NAPA: variants seen among roughly 807,000 people sequenced by gnomAD.
The protein encoded by NAPA is alpha-soluble NSF attachment protein.
Under a neutral mutation model 48.0 loss-of-function variants are expected in NAPA, and 18 were observed. The observed-to-expected ratio is 0.38, with a 90% confidence interval of 0.26 to 0.56. NAPA has a LOEUF of 0.56. Ranked by LOEUF, NAPA falls within the 20% of genes least tolerant of loss-of-function variation. The pLI is 0.77. For synonymous variants in NAPA, 152 were observed against 149.9 expected, an observed-to-expected ratio of 1.01 and a Z score of -0.10; for missense variants, 315 against 385.0, an observed-to-expected ratio of 0.82 and a Z score of 1.52.
intron 1 of NAPA, among the ~76,000 whole-genome samples, chr19:47,513,872 C>CA (rs1327193068): frequency 1.7e-5 from 2 of 117,838 alleles, no homozygotes; most frequent in African/African-American, 6.7e-5. Flanking sequence ...TTTTTTGAGA[C>CA]AGAGTCTCGC....
At chr19:47,514,416 G>C (rs890045600) in intron 1 of NAPA, among the ~76,000 whole-genome samples, 1 of 151,928 alleles carries the variant, frequency 6.6e-6, no homozygotes, top group Non-Finnish European at 1.5e-5. Context: ...CCTTCAAACA[G>C]ACTCCCCTAG....
chr19:47,509,005 G>A (rs1200615627), intron 1 of NAPA, among the ~76,000 whole-genome samples: 1 of 152,130 alleles, frequency 6.6e-6, no homozygotes, highest in Admixed American at 6.5e-5. Flanking sequence ...GAGCCCAGGA[G>A]GTTGAGACTG....
At chr19:47,490,679 G>A (rs202189227) in intron 9 of NAPA, 109 bp downstream of exon 9, 23 of 238,342 alleles carry the variant, frequency 9.7e-5, no homozygotes, top group South Asian at 3.5e-4. Flanking sequence ...ACAAAACAAA[G>A]ACACCCTCTG....
chr19:47,509,349 T>TAAAATAAAATAAATAAAATA (rs869068004), intron 1 of NAPA, among the ~76,000 whole-genome samples: 1 of 92,156 alleles, frequency 1.1e-5, no homozygotes, highest in African/African-American at 4.4e-5. Flanking sequence ...TAAAATAAAA[T>TAAAATAAAATAAATAAAATA]AAATAAAATA....
chr19:47,488,287 CT>C lies in NAPA; in HGVS notation c.888del (p.Ter296=). ...TIQGDEEDLR[*>X] is the part of the protein sequence containing the mutation. ...ACGGGCACTGGGGGGCTGGGTGGGGCTTAGCGCAGGTCCTCCTCATCGCCCT... is the reference window on the plus strand; with the variant it reads ...ACGGGCACTGGGGGGCTGGGTGGGGCTAGCGCAGGTCCTCCTCATCGCCCT... On this transcript the variant is annotated frameshift_variant and stop_lost, in exon 11 of 11. Transcript: ENST00000263354. LOFTEE classifies it high-confidence loss of function. 1 of 1,611,456 alleles carries C rather than the reference CT, an allele frequency of 6.2e-7. No homozygotes were observed. Among genetic ancestry groups the C allele is most frequent in the Non-Finnish European group, 8.5e-7 (1 of 1,178,306 alleles).
intron 3 of NAPA, chr19:47,496,777 C>T (rs773263298): frequency 3.6e-5 from 16 of 439,056 alleles, no homozygotes; most frequent in Non-Finnish European, 7.3e-5. Flanking sequence ...CTCTTTGTCT[C>T]AGGTCTGTGG....
downstream of NAPA, among the ~76,000 whole-genome samples, chr19:47,487,070 TG>T (rs1968093982): frequency 6.6e-6 from 1 of 152,176 alleles, no homozygotes; most frequent in African/African-American, 2.4e-5. Context: ...ATGCACATTG[TG>T]GAGTGTGGTG....
intron 1 of NAPA, among the ~76,000 whole-genome samples, chr19:47,509,062 C>T (rs930511070): frequency 2.6e-5 from 4 of 151,960 alleles, no homozygotes; most frequent in Non-Finnish European, 5.9e-5. Context: ...GGCAACAGAA[C>T]AAGACCCTGT....
At chr19:47,492,154 G>T in intron 7 of NAPA, 35 bp from the exon 8 acceptor site, 1 of 1,586,644 alleles carries the variant, frequency 6.3e-7, no homozygotes, top group South Asian at 1.1e-5. Context: ...GGTGAGCTCA[G>T]GGCAAGCAGC....
At chr19:47,511,489 A>T (rs1968804328) in intron 1 of NAPA, among the ~76,000 whole-genome samples, 1 of 152,178 alleles carries the variant, frequency 6.6e-6, no homozygotes, top group South Asian at 2.1e-4. Context: ...TATTTGGAGA[A>T]AACAGCCATG....
rs1163886327 is a variant in NAPA, at chr19:47,514,918, G to T, written c.23C>A (p.Ala8Glu). The change falls in exon 1 of 11, where the codon GCG becomes GAG. Residue 8 changes from alanine (A) to glutamate (E), a missense_variant. By Grantham distance (107) the Ala-to-Glu change is moderately radical. Transcript: ENST00000263354. MDNSGKE[A>E]EAMALLAEAE... Reference sequence around the variant, plus strand: ...CTCGGCCAACAGCGCCATCGCCTCCGCTTCCTTCCCGGAATTGTCCATGGC... The same window carrying T: ...CTCGGCCAACAGCGCCATCGCCTCCTCTTCCTTCCCGGAATTGTCCATGGC... The T allele has an allele frequency of 6.2e-7, 1 of 1,613,898 alleles. No homozygotes were observed. Among genetic ancestry groups the T allele is most frequent in the South Asian group, 1.1e-5 (1 of 91,074 alleles).
At chr19:47,512,285 C>T (rs1158976705) in intron 1 of NAPA, among the ~76,000 whole-genome samples, 1 of 152,112 alleles carries the variant, frequency 6.6e-6, no homozygotes, top group Admixed American at 6.5e-5. Context: ...AGAGCACCCT[C>T]CCCGGCCCCA....
At chr19:47,514,655 G>A (rs1376334856) in intron 1 of NAPA, among the ~76,000 whole-genome samples, 188 bp downstream of exon 1, 1 of 152,110 alleles carries the variant, frequency 6.6e-6, no homozygotes, top group East Asian at 1.9e-4. Flanking sequence ...CTCAAACCGT[G>A]TTGCCCCGGC....
intron 1 of NAPA, among the ~76,000 whole-genome samples, chr19:47,514,485 C>T (rs1968867007): frequency 6.6e-6 from 1 of 152,176 alleles, no homozygotes; most frequent in Non-Finnish European, 1.5e-5. Context: ...CCCCCCAGGC[C>T]GGTCCCCTCC....
downstream of NAPA, among the ~76,000 whole-genome samples, chr19:47,485,727 G>A (rs137922205): frequency 5.4e-4 from 82 of 152,352 alleles, no homozygotes; most frequent in African/African-American, 1.9e-3. Context: ...ACTGGATAAC[G>A]GAGGTGGCAA....
intron 1 of NAPA, among the ~76,000 whole-genome samples, chr19:47,508,747 C>T (rs927848907): frequency 1.3e-5 from 2 of 152,002 alleles, no homozygotes; most frequent in Admixed American, 6.5e-5. Flanking sequence ...AAGCAATCCT[C>T]CTGCCTCTGC....
intron 4 of NAPA, 27 bp downstream of exon 4, chr19:47,495,523 G>C (rs750599939): frequency 2.5e-5 from 40 of 1,612,224 alleles, no homozygotes; most frequent in Admixed American, 5.0e-5. Flanking sequence ...GGACCCGGGG[G>C]TGTCAGGACA....
At chr19:47,509,936 T>TC (rs1466533075) in intron 1 of NAPA, among the ~76,000 whole-genome samples, 1 of 152,216 alleles carries the variant, frequency 6.6e-6, no homozygotes, top group Non-Finnish European at 1.5e-5. Flanking sequence ...GACCCTTGCC[T>TC]CTCAGTAGCC....
chr19:47,503,362 G>A (rs755939620), intron 2 of NAPA, 61 bp downstream of exon 2: 41 of 1,485,142 alleles, frequency 2.8e-5, no homozygotes, highest in Non-Finnish European at 3.7e-5. Flanking sequence ...GCAGGCCTGT[G>A]TGAGTGGAAG....
Sources: allele counts gnomAD v4.1 joint callset (sites outside exome capture counted in the v4.1 genomes callset), GRCh38; gene constraint gnomAD v4.1.1; transcripts MANE v1.5; gene names NCBI Gene and HGNC (gene_info 2026-07-23, HGNC 2026-07-21).